FAM107A: variants seen among roughly 807,000 people sequenced by gnomAD.
FAM107A encodes the protein actin-associated protein FAM107A.
A neutral mutation model predicts 13.7 loss-of-function variants in FAM107A; 19 were observed. The ratio of observed to expected loss-of-function variants is 1.38; its 90% confidence interval spans 0.97 to 2.03. The LOEUF is 2.03. Ranked by LOEUF, FAM107A falls within the 30% of genes most tolerant of loss-of-function variation. FAM107A has a pLI of 0.00. For missense variants in FAM107A, 203 were observed against 184.4 expected, an observed-to-expected ratio of 1.10 and a Z score of -0.58; for synonymous variants, 82 against 74.5, an observed-to-expected ratio of 1.10 and a Z score of -0.52.
chr3:58,570,777 T>G (rs766646681), intron 1 of FAM107A, among the ~76,000 whole-genome samples: 2 of 152,248 alleles, frequency 1.3e-5, no homozygotes, highest in Non-Finnish European at 2.9e-5. Context: ...TGAGCTCCTA[T>G]TATATGCCAG....
intron 1 of FAM107A, among the ~76,000 whole-genome samples, chr3:58,592,424 C>T (rs1045175525): frequency 2.0e-4 from 31 of 152,142 alleles, no homozygotes; most frequent in Admixed American, 1.3e-4. Context: ...TCACATGCCC[C>T]GAGTCAGGAA....
chr3:58,566,557 G>T lies in FAM107A; in HGVS notation c.*31C>A, dbSNP rs1196607231. ...GCTGAAGGAGGCTGTCCAGGCCAGG[G>T]TGGGCAGTGGCCTGAGCCCGGCAGC... On this transcript the variant is annotated 3_prime_UTR_variant, in exon 4 of 4. Transcript: ENST00000360997. 6.5e-7 allele frequency: 1 copy of T among 1,527,080 alleles called. No homozygotes were observed. Among genetic ancestry groups the T allele is most frequent in the Non-Finnish European group, 9.1e-7 (1 of 1,102,248 alleles). The allele number at this position is 1,527,080 out of a possible 1,614,324, so 94.6% of individuals were successfully genotyped here.
At chr3:58,585,861 G>T (rs1345643190) in intron 1 of FAM107A, among the ~76,000 whole-genome samples, 3 of 152,168 alleles carry the variant, frequency 2.0e-5, no homozygotes, top group African/African-American at 7.2e-5. Context: ...TTGGACACTG[G>T]TCATATATTA....
intron 1 of FAM107A, among the ~76,000 whole-genome samples, chr3:58,623,501 T>A (rs1484405874): frequency 6.6e-6 from 1 of 152,166 alleles, no homozygotes; most frequent in African/African-American, 2.4e-5. Flanking sequence ...ACCCACTGAG[T>A]GCTGGGCACC....
At chr3:58,609,850 T>G (rs1284105861) in intron 1 of FAM107A, among the ~76,000 whole-genome samples, 1 of 152,224 alleles carries the variant, frequency 6.6e-6, no homozygotes, top group Non-Finnish European at 1.5e-5. Context: ...TAGGCATGGC[T>G]TCTTGACCCC....
chr3:58,627,028 C>T, intron 1 of FAM107A: 2 of 1,535,584 alleles, frequency 1.3e-6, no homozygotes, highest in Non-Finnish European at 1.7e-6. Flanking sequence ...GGGTGGGCTG[C>T]AGGGGCCAGG....
At chr3:58,606,546 C>T (rs1038180213) in intron 1 of FAM107A, among the ~76,000 whole-genome samples, 1 of 152,200 alleles carries the variant, frequency 6.6e-6, no homozygotes, top group African/African-American at 2.4e-5. Context: ...TTAGGGAATG[C>T]TATAGTCTGT....
rs527295582 is a variant in FAM107A, at chr3:58,614,312, A to G, written c.-70+13104T>C. 6.7e-4 allele frequency among the ~76,000 whole-genome samples: 102 copies of G among 151,750 alleles called. 1 individual carries two copies. Among genetic ancestry groups the G allele is most frequent in the African/African-American group, 2.2e-3 (92 of 41,330 alleles). On this transcript the variant is annotated intron_variant, in intron 1 of 3. Coordinates refer to the FAM107A transcript ENST00000465970. ...TTGGCCTGTAATTTACTTTTCTTTC[A>G]TTGTCCTTGTTTAATTTTGATAGCA...
chr3:58,569,719 G>T lies in FAM107A; in HGVS notation c.142C>A (p.His48Asn). ...CTGTGGTTCATGAGCAGCTCCCGGTGGAGCTCCTGGTGACTCCGAGAGGCC... is the reference window on the plus strand; with the variant it reads ...CTGTGGTTCATGAGCAGCTCCCGGTTGAGCTCCTGGTGACTCCGAGAGGCC... ...VKASRSHQEL[H>N]RELLMNHRRG... Residue 48 changes from histidine (H) to asparagine (N), a missense_variant, in exon 2 of 4, where the codon CAC becomes AAC. His to Asn is a moderately conservative substitution (Grantham distance 68). Transcript: ENST00000360997. The surrounding 1 kb of genome is among the most constrained non-coding windows in gnomAD (Gnocchi z 5.7). The T allele has an allele frequency of 6.2e-7, 1 of 1,613,922 alleles. No homozygotes were observed. Among genetic ancestry groups the T allele is most frequent in the Non-Finnish European group, 8.5e-7 (1 of 1,179,928 alleles).
At chr3:58,589,323 G>A (rs2065636191), upstream of FAM107A, 4 of 1,198,078 alleles carry the variant, frequency 3.3e-6, no homozygotes, top group Non-Finnish European at 4.8e-6. Flanking sequence ...CTTTGGCTGA[G>A]GGAGGGGTGA....
intron 1 of FAM107A, among the ~76,000 whole-genome samples, chr3:58,600,896 A>G (rs1408751256): frequency 1.3e-5 from 2 of 152,180 alleles, no homozygotes; most frequent in African/African-American, 4.8e-5. Context: ...AAACCCTCAC[A>G]GGTCTCCCTT....
intron 1 of FAM107A, among the ~76,000 whole-genome samples, chr3:58,593,233 G>A (rs946144435): frequency 6.6e-6 from 1 of 152,286 alleles, no homozygotes; most frequent in East Asian, 1.9e-4. Flanking sequence ...CTGAAGAGCA[G>A]TAATAACGCT....
chr3:58,567,410 C>G, intron 2 of FAM107A, 46 bp from the exon 3 acceptor site: 1 of 1,568,902 alleles, frequency 6.4e-7, no homozygotes, highest in Non-Finnish European at 8.6e-7. Context: ...CACCTTCCCG[C>G]TTCCCCCAGC....
At chr3:58,614,030 G>A (rs2065878822) in intron 1 of FAM107A, among the ~76,000 whole-genome samples, 1 of 152,186 alleles carries the variant, frequency 6.6e-6, no homozygotes, top group African/African-American at 2.4e-5. Context: ...AGCCTGGATG[G>A]GAGATCCCTG....
Position 58,619,027 on chromosome 3 carries a change from A to T in FAM107A, c.-70+8389T>A, listed in dbSNP as rs546327016. Among the ~76,000 whole-genome samples the T allele has an allele frequency of 1.1e-4, 16 of 152,182 alleles. No homozygotes were observed. The East Asian group carries it at 1.5e-3, about 15-fold the overall frequency. The stretch of plus-strand genomic sequence containing the variant: ...GTGATTTTTTTTTCCTTGAGACAAG[A>T]TCTTATTCTGTCACCCAGGATGGAG... On this transcript the variant is annotated intron_variant, in intron 1 of 3. Coordinates refer to the FAM107A transcript ENST00000465970.
At chr3:58,602,983 C>G (rs974894871) in intron 1 of FAM107A, among the ~76,000 whole-genome samples, 2 of 152,010 alleles carry the variant, frequency 1.3e-5, no homozygotes, top group Admixed American at 1.3e-4. Flanking sequence ...CCAAAATGTC[C>G]CCAGTGATTA....
At chr3:58,586,796 C>A in intron 1 of FAM107A, 1 of 1,466,054 alleles carries the variant, frequency 6.8e-7, no homozygotes, top group East Asian at 2.7e-5. Context: ...GACTGAGCGC[C>A]GTGCACCACA....
chr3:58,595,804 G>A (rs1452195018), intron 1 of FAM107A, among the ~76,000 whole-genome samples: 5 of 152,188 alleles, frequency 3.3e-5, no homozygotes, highest in African/African-American at 9.7e-5. Context: ...TGGAACCTCA[G>A]TGGCCAAGGC....
chr3:58,623,966 G>T (rs887954800), intron 1 of FAM107A, among the ~76,000 whole-genome samples: 3 of 152,244 alleles, frequency 2.0e-5, no homozygotes, highest in Non-Finnish European at 4.4e-5. Context: ...GCTTGTGGTT[G>T]TGTCCTCTAT....
Sources: gnomAD v4.1 joint callset for allele counts (sites outside exome capture counted in the v4.1 genomes callset) on GRCh38, gnomAD v4.1.1 for gene constraint, Gnocchi (gnomAD v3.1) non-coding constraint, MANE v1.5 for transcripts, NCBI Gene and HGNC (gene_info 2026-07-23, HGNC 2026-07-21) for gene names.